DPY19L2: variants seen among roughly 807,000 people sequenced by gnomAD.
The protein encoded by DPY19L2 is probable C-mannosyltransferase DPY19L2.
DPY19L2 carries 34 observed loss-of-function variants against 97.9 expected under a neutral mutation model. The observed-to-expected ratio is 0.35, with a 90% confidence interval of 0.26 to 0.46. The LOEUF (loss-of-function observed/expected upper bound fraction) is 0.46. DPY19L2 is among the 20% of genes least tolerant of loss of function. The probability of loss-of-function intolerance (pLI) is 1.00; values close to 1 mark genes in which losing one functional copy is unlikely to be tolerated. For missense variants in DPY19L2, 623 were observed against 911.4 expected, an observed-to-expected ratio of 0.68 and a Z score of 4.07; for synonymous variants, 230 against 307.9, an observed-to-expected ratio of 0.75 and a Z score of 2.65.
chr12:63,655,742 GTC>G (rs1565849241), intron 4 of DPY19L2, among the ~76,000 whole-genome samples: 3 of 149,262 alleles, frequency 2.0e-5, no homozygotes, highest in South Asian at 2.1e-4. Flanking sequence ...ATAAGGAAGG[GTC>G]GGGGGGTGGG....
At chr12:63,596,854 G>C (rs1239008970) in intron 14 of DPY19L2, among the ~76,000 whole-genome samples, 1 of 152,202 alleles carries the variant, frequency 6.6e-6, no homozygotes, top group Admixed American at 6.5e-5. Flanking sequence ...ATCTTGGCTT[G>C]TGTGTGCTTT....
intron 11 of DPY19L2, among the ~76,000 whole-genome samples, chr12:63,609,918 G>A (rs1886664877): frequency 6.6e-6 from 1 of 152,020 alleles, no homozygotes; most frequent in South Asian, 2.1e-4. Context: ...AAATATAAAT[G>A]TATCAGATGA....
intron 11 of DPY19L2, among the ~76,000 whole-genome samples, chr12:63,613,140 A>G (rs1887284822): frequency 6.6e-6 from 1 of 151,936 alleles, no homozygotes; most frequent in African/African-American, 2.4e-5. Context: ...GGAACACTTC[A>G]TAACTCATTT....
At chr12:63,595,138 T>C (rs761005960) in intron 15 of DPY19L2, among the ~76,000 whole-genome samples, 5 of 152,206 alleles carry the variant, frequency 3.3e-5, no homozygotes, top group Non-Finnish European at 7.4e-5. Flanking sequence ...GTGTGGCAAC[T>C]AAAACTACAT....
intron 8 of DPY19L2, among the ~76,000 whole-genome samples, chr12:63,622,568 G>A (rs1002526342): frequency 2.0e-5 from 3 of 152,136 alleles, no homozygotes. Context: ...GCATGGACGT[G>A]TGCAGTGTTC....
intron 6 of DPY19L2, among the ~76,000 whole-genome samples, chr12:63,628,310 T>A (rs1476961041): frequency 1.3e-5 from 2 of 152,136 alleles, no homozygotes; most frequent in Admixed American, 6.5e-5. Flanking sequence ...GGAATTCCCT[T>A]TCCTAATCAA....
chr12:63,613,168 CATG>C (rs1887288591), intron 11 of DPY19L2, among the ~76,000 whole-genome samples: 1 of 152,006 alleles, frequency 6.6e-6, no homozygotes, highest in Non-Finnish European at 1.5e-5. Context: ...CCAGCATTGC[CATG>C]ATACCAAAAA....
At chr12:63,668,708 C>T, upstream of DPY19L2, 2 of 355,882 alleles carry the variant, frequency 5.6e-6, no homozygotes, top group Non-Finnish European at 1.0e-5. Flanking sequence ...TCCCCAGCGC[C>T]TGCAGCCTCC....
intron 21 of DPY19L2, among the ~76,000 whole-genome samples, chr12:63,564,775 C>G (rs1877321110): frequency 6.6e-6 from 1 of 152,090 alleles, no homozygotes; most frequent in Non-Finnish European, 1.5e-5. Context: ...CTTCCATATT[C>G]TTGCCAAATT....
chr12:63,596,022 T>C lies in DPY19L2; in HGVS notation c.1477A>G (p.Thr493Ala), dbSNP rs977476229. 6 of 1,601,232 alleles carry C rather than the reference T, an allele frequency of 3.7e-6. No homozygotes were observed. The highest frequency in any genetic ancestry group is 2.7e-5 in the African/African-American group (2 of 74,324). The stretch of plus-strand genomic sequence containing the variant: ...ACAACTGGAAGCAATAATGTCTTTG[T>C]GTATCTCAGCGGAGTCTGAAATATA... ...FMEKATPLRY[T>A]KTLLLPVVMV... Residue 493 changes from threonine to alanine, a missense_variant, in exon 15 of 22, where the codon ACA (threonine) becomes GCA (alanine). By Grantham distance (58) the Thr-to-Ala change is moderately conservative. Coordinates refer to ENST00000324472, the MANE Select transcript of DPY19L2 (RefSeq NM_173812.5).
intron 19 of DPY19L2, among the ~76,000 whole-genome samples, chr12:63,571,705 A>T (rs1008317578): frequency 6.6e-6 from 1 of 152,184 alleles, no homozygotes; most frequent in South Asian, 2.1e-4. Context: ...AAATCATTTC[A>T]TTACTTGCTG....
At chr12:63,590,910 T>C in intron 16 of DPY19L2, 1 of 354,954 alleles carries the variant, frequency 2.8e-6, no homozygotes, top group Non-Finnish European at 5.8e-6. Flanking sequence ...TTCCATATTC[T>C]GAGTAATTAT....
At position 63,559,596 on chromosome 12, in the gene DPY19L2, T is replaced by C. The variant is rs528408708; in HGVS notation, c.*916A>G. 2.6e-5 allele frequency: 4 copies of C among 152,588 alleles called. 1 individual carries two copies. The highest frequency in any genetic ancestry group is 2.6e-4 in the Admixed American group (4 of 15,288). The allele number at this position is 152,588 out of a possible 1,614,324, so 9.5% of individuals were successfully genotyped here. A position where few individuals can be genotyped will look rare whatever the true frequency, so the allele number is the denominator to read the frequency against. ...AAATGAGGGCTTAAAAATATATTAT[T>C]TAAGAAGATAGTGGCCAGAAATAAA... On this transcript the variant is annotated 3_prime_UTR_variant, in exon 22 of 22. Transcript: ENST00000324472.
rs758324067 is a variant in DPY19L2 at position 63,595,960 on chromosome 12, A to G, written c.1533+6T>C. Reference sequence around the variant, plus strand: ...CAAAAACAAATAATAATTTGTTTAAAAATACCTTTTTAAAGATAAAACATG... The same window carrying G: ...CAAAAACAAATAATAATTTGTTTAAGAATACCTTTTTAAAGATAAAACATG... On this transcript the variant is annotated splice_donor_region_variant and intron_variant, in intron 15 of 21. Transcript: ENST00000324472. 3.8e-6 allele frequency: 6 copies of G among 1,570,980 alleles called. No homozygotes were observed. The African/African-American group carries it at 8.2e-5, about 22-fold the overall frequency.
In DPY19L2 at chr12:63,569,365, A is replaced by G; in HGVS notation, c.2001-16T>C. ...TGTCCGAGCCCTTTAAATTTAAACA[A>G]TAATTTAAAAGATTTTAAAATAAAT... On this transcript the variant is annotated splice_polypyrimidine_tract_variant and intron_variant, in intron 20 of 21. Transcript: ENST00000324472. The G allele has an allele frequency of 1.3e-6, 2 of 1,537,248 alleles. No individual in the cohort carries two copies. The highest frequency in any genetic ancestry group is 8.8e-7 in the Non-Finnish European group (1 of 1,140,144).
At chr12:63,634,382 G>A (rs1385573569) in intron 6 of DPY19L2, among the ~76,000 whole-genome samples, 1 of 152,096 alleles carries the variant, frequency 6.6e-6, no homozygotes, top group Non-Finnish European at 1.5e-5. Context: ...CAGCACGAGC[G>A]ACACAGAAGA....
intron 3 of DPY19L2, among the ~76,000 whole-genome samples, chr12:63,662,493 A>C (rs910102662): frequency 6.6e-6 from 1 of 150,970 alleles, no homozygotes; most frequent in African/African-American, 2.4e-5. Context: ...GGAAATATTA[A>C]ATATATAAAA....
In DPY19L2 at chr12:63,668,178, C is replaced by A; in HGVS notation, c.216G>T (p.Val72=). 1 of 1,613,970 alleles carries A rather than the reference C, an allele frequency of 6.2e-7. No homozygotes were observed. The highest frequency in any genetic ancestry group is 8.5e-7 in the Non-Finnish European group (1 of 1,179,970). Residue 72 remains valine, a synonymous_variant, in exon 1 of 22, where the codon GTG becomes GTT. Transcript: ENST00000324472. Reference sequence around the variant, plus strand: ...GGCCGAGAAGAAAGGTCTTGGCCACCACCTCTAGCTCCAAGCCTTTTCGCT... The same window carrying A: ...GGCCGAGAAGAAAGGTCTTGGCCACAACCTCTAGCTCCAAGCCTTTTCGCT... ...LKERKGLELE[V]VAKTFLLGPF...
rs1402673569 is a variant in DPY19L2 at position 63,640,142 on chromosome 12, A to G, written c.803+4261T>C. 2.6e-5 allele frequency among the ~76,000 whole-genome samples: 4 copies of G among 152,158 alleles called. No individual in the cohort carries two copies. In the East Asian group the frequency reaches 7.7e-4, roughly 29 times the overall value. ...CACATGTTCTCACTCATAGGTGGGA[A>G]TTGAACAATGAGAACACTTGGACGC... On this transcript the variant is annotated intron_variant, in intron 6 of 21. Coordinates refer to ENST00000324472, the MANE Select transcript of DPY19L2 (RefSeq NM_173812.5).
Sources: allele counts gnomAD v4.1 joint callset (sites outside exome capture counted in the v4.1 genomes callset), GRCh38; gene constraint gnomAD v4.1.1; transcripts MANE v1.5; gene names NCBI Gene and HGNC (gene_info 2026-07-23, HGNC 2026-07-21).